LINC00305: variants seen among roughly 807,000 people sequenced by gnomAD.
The protein encoded by LINC00305 is long intergenic non-protein coding RNA 305.
chr18:64,148,453 GC>G (rs1247812526), intron 1 of LINC00305, among the ~76,000 whole-genome samples: 2 of 151,110 alleles, frequency 1.3e-5, no homozygotes, highest in Admixed American at 6.6e-5. Context: ...ATACCCTTAA[GC>G]AAGCCAGGCT....
chr18:64,095,596 A>G (rs935285259), intron 3 of LINC00305, among the ~76,000 whole-genome samples: 1 of 152,186 alleles, frequency 6.6e-6, no homozygotes, highest in Non-Finnish European at 1.5e-5. Context: ...TAAAAATGCA[A>G]TTTTGGAATT....
At chr18:64,143,645 A>G (rs1599233999) in intron 1 of LINC00305, among the ~76,000 whole-genome samples, 1 of 141,302 alleles carries the variant, frequency 7.1e-6, no homozygotes. Context: ...TATTATGTAT[A>G]CATATGTATG....
intron 1 of LINC00305, among the ~76,000 whole-genome samples, chr18:64,107,516 G>A (rs11665034): frequency 0.17 from 25,753 of 152,136 alleles, 2,300 homozygotes; most frequent in Admixed American, 0.22. Flanking sequence ...GGATAGATGC[G>A]CACGGAGGAA....
rs143186139 is a variant in LINC00305, at chr18:64,139,990, C to A, written n.314+8785G>T. On this transcript the variant is annotated intron_variant and non_coding_transcript_variant, in intron 1 of 3. Transcript: ENST00000666468. The stretch of plus-strand genomic sequence containing the variant: ...TTTCATGCTGTTCCAGTGACACTGA[C>A]CTTGTTCTTCTTTAAACACACAAAG... Among the ~76,000 whole-genome samples, 60 of 152,226 alleles carry A rather than the reference C, an allele frequency of 3.9e-4. No homozygotes were observed. In the East Asian group the frequency reaches 9.3e-3, roughly 24 times the overall value.
At chr18:64,130,912 C>T (rs2051406755) in intron 1 of LINC00305, among the ~76,000 whole-genome samples, 1 of 152,104 alleles carries the variant, frequency 6.6e-6, no homozygotes, top group Admixed American at 6.6e-5. Flanking sequence ...TTGTGAAAGA[C>T]CTTTCATACC....
intron 1 of LINC00305, among the ~76,000 whole-genome samples, chr18:64,117,703 T>C (rs930736652): frequency 1.3e-5 from 2 of 152,200 alleles, no homozygotes; most frequent in African/African-American, 4.8e-5. Flanking sequence ...CTCAAGTGCA[T>C]GTAACGGTAC....
chr18:64,137,313 G>T (rs907170596), intron 1 of LINC00305, among the ~76,000 whole-genome samples: 35 of 152,250 alleles, frequency 2.3e-4, no homozygotes, highest in African/African-American at 8.2e-4. Flanking sequence ...CTTCGTTTTT[G>T]ACTTCTAGCC....
chr18:64,107,285 G>T (rs1202483867), intron 1 of LINC00305, among the ~76,000 whole-genome samples: 1 of 152,216 alleles, frequency 6.6e-6, no homozygotes, highest in Non-Finnish European at 1.5e-5. Context: ...TAGAATGCTT[G>T]GTAGAGGCCA....
intron 1 of LINC00305, among the ~76,000 whole-genome samples, chr18:64,116,847 T>C (rs913618048): frequency 1.3e-5 from 2 of 152,168 alleles, no homozygotes; most frequent in African/African-American, 2.4e-5. Context: ...CCAGCTGCCT[T>C]AGGTTTACCA....
In LINC00305 at chr18:64,088,166, A is replaced by G. The variant is rs139153542; in HGVS notation, n.541-7764T>C. 3.4e-3 allele frequency among the ~76,000 whole-genome samples: 521 copies of G among 152,018 alleles called. 3 individuals are homozygous for G. The highest frequency in any genetic ancestry group is 8.6e-3 in the African/African-American group (357 of 41,484). Reference sequence around the variant, plus strand: ...GGAAAAAAAAAAAAGAAAGTCAGAGAGAAGCAAGATCAGGCAGCTCTGGAA... The same window carrying G: ...GGAAAAAAAAAAAAGAAAGTCAGAGGGAAGCAAGATCAGGCAGCTCTGGAA... On this transcript the variant is annotated intron_variant and non_coding_transcript_variant, in intron 3 of 3. Coordinates refer to ENST00000666468, the Ensembl canonical transcript of LINC00305.
chr18:64,089,109 A>G, intron 3 of LINC00305, among the ~76,000 whole-genome samples: 1 of 152,164 alleles, frequency 6.6e-6, no homozygotes, highest in Admixed American at 6.5e-5. Context: ...TCCCCACTCA[A>G]ATCTCATCTT....
chr18:64,115,667 C>G (rs2051334355), intron 1 of LINC00305, among the ~76,000 whole-genome samples: 1 of 152,144 alleles, frequency 6.6e-6, no homozygotes, highest in Admixed American at 6.5e-5. Flanking sequence ...TTCCTCTCAG[C>G]TTTTCTAAAC....
rs1040706696 is a variant in LINC00305, at chr18:64,094,122, G to T, written n.540+3712C>A. ...TTGATGGAGTCCAGGCATTTCATTTGTCTCCTCCTAGATCTCCTGTGAAAT... is the reference window on the plus strand; with the variant it reads ...TTGATGGAGTCCAGGCATTTCATTTTTCTCCTCCTAGATCTCCTGTGAAAT... On this transcript the variant is annotated intron_variant and non_coding_transcript_variant, in intron 3 of 3. Coordinates refer to ENST00000666468, the Ensembl canonical transcript of LINC00305. Among the ~76,000 whole-genome samples, 7 of 152,134 alleles carry T rather than the reference G, an allele frequency of 4.6e-5. No individual in the cohort carries two copies. The South Asian group carries it at 1.4e-3, about 31-fold the overall frequency.
intron 1 of LINC00305, among the ~76,000 whole-genome samples, chr18:64,110,420 G>A (rs1037380012): frequency 2.0e-5 from 3 of 152,118 alleles, no homozygotes; most frequent in Non-Finnish European, 4.4e-5. Flanking sequence ...CTCTACAACC[G>A]GATGATAGTA....
chr18:64,141,052 T>TTA (rs1305060533), intron 1 of LINC00305, among the ~76,000 whole-genome samples: 8 of 96,332 alleles, frequency 8.3e-5, no homozygotes, highest in Middle Eastern at 5.8e-3. Flanking sequence ...GCCTGAATGA[T>TTA]AAAAAAAAAA....
At chr18:64,128,174 G>A (rs1422823439) in intron 1 of LINC00305, among the ~76,000 whole-genome samples, 1 of 152,056 alleles carries the variant, frequency 6.6e-6, no homozygotes, top group African/African-American at 2.4e-5. Context: ...ATTCAATGTA[G>A]CTTGACTTTC....
intron 1 of LINC00305, among the ~76,000 whole-genome samples, chr18:64,144,135 A>G (rs997525837): frequency 1.3e-5 from 2 of 152,182 alleles, no homozygotes; most frequent in Non-Finnish European, 2.9e-5. Flanking sequence ...CTGGCCTTCT[A>G]TTAATATCTA....
At chr18:64,136,714 G>T (rs2051436077) in intron 1 of LINC00305, among the ~76,000 whole-genome samples, 1 of 152,202 alleles carries the variant, frequency 6.6e-6, no homozygotes, top group African/African-American at 2.4e-5. Flanking sequence ...GCTGTCAGAA[G>T]AGACAATATG....
At chr18:64,105,578 G>A (rs1440530161) in intron 1 of LINC00305, among the ~76,000 whole-genome samples, 6 of 152,118 alleles carry the variant, frequency 3.9e-5, no homozygotes, top group South Asian at 2.1e-4. Flanking sequence ...ATGTGTGTAC[G>A]TGCACGTGTG....
Sources: gnomAD v4.1 joint callset for allele counts (sites outside exome capture counted in the v4.1 genomes callset) on GRCh38, gnomAD v4.1.1 for gene constraint, MANE v1.5 for transcripts, NCBI Gene and HGNC (gene_info 2026-07-23, HGNC 2026-07-21) for gene names.